ADRA1B: variants seen among roughly 807,000 people sequenced by gnomAD.
ADRA1B encodes alpha-1B adrenergic receptor.
Under a neutral mutation model 17.9 loss-of-function variants are expected in ADRA1B, and 17 were observed. The observed-to-expected ratio is 0.95, with a 90% CI of 0.65 to 1.42. The LOEUF is 1.42. Ranked by LOEUF, ADRA1B falls within the 40% of genes most tolerant of loss-of-function variation. The probability of loss-of-function intolerance (pLI) is 0.00; values close to 1 mark genes in which losing one functional copy is unlikely to be tolerated. For missense variants in ADRA1B, 681 were observed against 722.1 expected, an observed-to-expected ratio of 0.94 and a Z score of 0.65; for synonymous variants, 366 against 327.6, an observed-to-expected ratio of 1.12 and a Z score of -1.27.
chr5:159,960,369 T>C (rs1016702571), intron 1 of ADRA1B, among the ~76,000 whole-genome samples: 2 of 152,206 alleles, frequency 1.3e-5, no homozygotes, highest in African/African-American at 2.4e-5. Flanking sequence ...AACTTTATCC[T>C]ACAAACTAGA....
intron 1 of ADRA1B, among the ~76,000 whole-genome samples, chr5:159,969,155 C>T (rs975646816): frequency 6.6e-6 from 1 of 152,200 alleles, no homozygotes. Context: ...TGTCTCACCT[C>T]GACCAAACCT....
At chr5:159,881,337 C>G (rs1020353572) in intron 1 of ADRA1B, among the ~76,000 whole-genome samples, 3 of 151,928 alleles carry the variant, frequency 2.0e-5, no homozygotes, top group African/African-American at 7.3e-5. Context: ...CTCTCTCTCT[C>G]TCTCTCTCTG....
intron 1 of ADRA1B, among the ~76,000 whole-genome samples, chr5:159,969,740 C>A (rs946571358): frequency 6.6e-6 from 1 of 152,092 alleles, no homozygotes; most frequent in Non-Finnish European, 1.5e-5. Context: ...TTAGAAGATA[C>A]AAAATGTTCT....
chr5:159,967,840 A>G (rs893251551), intron 1 of ADRA1B, among the ~76,000 whole-genome samples: 5 of 152,346 alleles, frequency 3.3e-5, no homozygotes, highest in African/African-American at 9.6e-5. Context: ...TCTCAAGGCC[A>G]TGGTCCTTGG....
the ADRA1B span, among the ~76,000 whole-genome samples, chr5:159,988,859 A>G: frequency 6.6e-6 from 1 of 152,182 alleles, no homozygotes; most frequent in Non-Finnish European, 1.5e-5. Context: ...ATGCACCTAT[A>G]TTCCTAGCTA....
intron 1 of ADRA1B, among the ~76,000 whole-genome samples, chr5:159,925,614 G>A (rs1429210528): frequency 6.6e-6 from 1 of 152,154 alleles, no homozygotes; most frequent in African/African-American, 2.4e-5. Context: ...GGCATCGTGG[G>A]CGAGAGAGTA....
chr5:159,923,397 T>C (rs1191533176), intron 1 of ADRA1B, among the ~76,000 whole-genome samples: 2 of 152,236 alleles, frequency 1.3e-5, no homozygotes, highest in Non-Finnish European at 2.9e-5. Context: ...TGACCTAGAC[T>C]AGGCAGGGGC....
the ADRA1B span, among the ~76,000 whole-genome samples, chr5:159,983,847 C>A: frequency 6.6e-6 from 1 of 151,992 alleles, no homozygotes; most frequent in South Asian, 2.1e-4. Context: ...TCTGGTATTT[C>A]CCCTAATTAA....
the ADRA1B span, among the ~76,000 whole-genome samples, chr5:159,986,180 C>T: frequency 1.3e-5 from 2 of 152,158 alleles, no homozygotes; most frequent in Admixed American, 6.5e-5. Flanking sequence ...ACTGCAGCCT[C>T]GAACTCCTGG....
intron 1 of ADRA1B, among the ~76,000 whole-genome samples, chr5:159,908,910 A>G (rs1397445658): frequency 6.6e-6 from 1 of 152,094 alleles, no homozygotes; most frequent in African/African-American, 2.4e-5. Flanking sequence ...CTCATAGCTA[A>G]TTGCCATTAT....
chr5:159,925,390 A>T (rs2113180101), intron 1 of ADRA1B, among the ~76,000 whole-genome samples: 1 of 152,364 alleles, frequency 6.6e-6, no homozygotes, highest in Middle Eastern at 3.4e-3. Context: ...TATTATTGGT[A>T]ATGTCACATA....
intron 1 of ADRA1B, among the ~76,000 whole-genome samples, chr5:159,891,590 G>A (rs1294300215): frequency 6.6e-6 from 1 of 152,176 alleles, no homozygotes; most frequent in Non-Finnish European, 1.5e-5. Context: ...TCCTGCAGGA[G>A]CTGGACGACT....
intron 1 of ADRA1B, among the ~76,000 whole-genome samples, chr5:159,898,371 T>C (rs1424745527): frequency 6.6e-6 from 1 of 152,174 alleles, no homozygotes; most frequent in Non-Finnish European, 1.5e-5. Flanking sequence ...TTTTAGCAGC[T>C]TCTGGATCAC....
rs1033446362 is a variant in ADRA1B at position 159,968,831 on chromosome 5, T to C, written c.950-3048T>C. ...CTGGTCTCAAGTTATCCTCCTGCCT[T>C]GGCATCCCAAAACGCTGGGATTACA... On this transcript the variant is annotated intron_variant, in intron 1 of 1. Transcript: ENST00000306675. Among the ~76,000 whole-genome samples the C allele has an allele frequency of 5.9e-5, 9 of 152,332 alleles. No homozygotes were observed. In the East Asian group the frequency reaches 1.3e-3, roughly 23 times the overall value.
chr5:159,916,945 C>T lies in ADRA1B; in HGVS notation c.40C>T (p.Pro14Ser), dbSNP rs763465121. Reference protein sequence around the residue: ...DLDTGHNTSAPAHWGELKNAN... With the variant: ...DLDTGHNTSASAHWGELKNAN... ...GGACACCGGCCACAACACATCAGCA[C>T]CTGCCCACTGGGGAGAGTTGAAAAA... Residue 14 changes from proline (P) to serine (S), a missense_variant, in exon 1 of 2, where the codon CCT (proline) becomes TCT (serine). Transcript: ENST00000306675. The T allele has an allele frequency of 3.7e-6, 6 of 1,613,842 alleles. No individual in the cohort carries two copies. Among genetic ancestry groups the T allele is most frequent in the Non-Finnish European group, 5.1e-6 (6 of 1,179,930 alleles).
At chr5:159,982,803 G>A in the ADRA1B span, among the ~76,000 whole-genome samples, 5 of 152,172 alleles carry the variant, frequency 3.3e-5, no homozygotes, top group South Asian at 4.1e-4. Flanking sequence ...CTCACTTGAA[G>A]GAGGGAGGCA....
chr5:159,882,533 G>A (rs759800640), intron 1 of ADRA1B, among the ~76,000 whole-genome samples: 21 of 152,150 alleles, frequency 1.4e-4, no homozygotes, highest in Non-Finnish European at 2.4e-4. Flanking sequence ...CTGCTGGCAC[G>A]GGTCATATTG....
chr5:159,868,013 T>C (rs564686600), intron 1 of ADRA1B: 3 of 152,180 alleles, frequency 2.0e-5, no homozygotes, highest in Non-Finnish European at 2.9e-5. Context: ...AATCATGGCC[T>C]CTGTTCTATA....
At chr5:159,890,672 C>G (rs984480974) in intron 1 of ADRA1B, among the ~76,000 whole-genome samples, 1 of 152,226 alleles carries the variant, frequency 6.6e-6, no homozygotes, top group Non-Finnish European at 1.5e-5. Context: ...CTTCCTTACA[C>G]ATGACACCTG....
Sources: gnomAD v4.1 joint callset for allele counts (sites outside exome capture counted in the v4.1 genomes callset) on GRCh38, gnomAD v4.1.1 for gene constraint, MANE v1.5 for transcripts, NCBI Gene and HGNC (gene_info 2026-07-23, HGNC 2026-07-21) for gene names.